The following DPP10 variants were observed in gnomAD, a reference collection of about 807,000 sequenced individuals.
The protein encoded by DPP10 is dipeptidyl peptidase like 10.
A neutral mutation model predicts 120.9 loss-of-function variants in DPP10; 33 were observed. That is an observed-to-expected ratio of 0.27 (90% CI 0.21 to 0.37). The LOEUF (loss-of-function observed/expected upper bound fraction) is 0.37. Ranked by LOEUF, DPP10 falls within the 10% of genes least tolerant of loss-of-function variation. DPP10 has a pLI of 1.00. For synonymous variants in DPP10, 337 were observed against 326.1 expected (o/e 1.03, Z -0.36); for missense variants, 816 against 942.8 (o/e 0.87, Z 1.76).
At chr2:115,361,414 G>A (rs1287978832) in intron 3 of DPP10, among the ~76,000 whole-genome samples, 4 of 152,008 alleles carry the variant, frequency 2.6e-5, no homozygotes, top group Non-Finnish European at 5.9e-5. Context: ...TTGCATTGTC[G>A]GCATGCTCTT....
At chr2:114,524,716 A>G (rs1431399686) in intron 1 of DPP10, among the ~76,000 whole-genome samples, 2 of 152,176 alleles carry the variant, frequency 1.3e-5, no homozygotes, top group Non-Finnish European at 2.9e-5. Context: ...GGAAGAGGTG[A>G]ATGACTGTCC....
intron 1 of DPP10, among the ~76,000 whole-genome samples, chr2:114,963,382 A>G (rs1419045481): frequency 2.6e-5 from 4 of 152,210 alleles, no homozygotes; most frequent in Non-Finnish European, 5.9e-5. Context: ...GTCATATGTC[A>G]AAGGAAAAAA....
intron 1 of DPP10, among the ~76,000 whole-genome samples, chr2:115,148,737 C>G (rs2051368041): frequency 6.6e-6 from 1 of 152,096 alleles, no homozygotes; most frequent in Non-Finnish European, 1.5e-5. Flanking sequence ...GCAAACCACA[C>G]AAAATTATTA....
At chr2:114,854,607 T>C (rs973075738) in intron 1 of DPP10, among the ~76,000 whole-genome samples, 4 of 151,914 alleles carry the variant, frequency 2.6e-5, no homozygotes, top group Non-Finnish European at 5.9e-5. Context: ...CCTTGGGAGG[T>C]AGAGAAACAG....
Position 114,765,162 on chromosome 2 carries a change from T to G in DPP10, c.60+322324T>G, listed in dbSNP as rs530997249. On this transcript the variant is annotated intron_variant, in intron 1 of 25. Coordinates refer to ENST00000410059, the MANE Select transcript of DPP10 (RefSeq NM_020868.6). ...CTTATTCTTTCAGAAGTAGCTACCT[T>G]TTGACCATTATCAATTTTTAAAAAT... Among the ~76,000 whole-genome samples, 3 of 152,298 alleles carry G rather than the reference T, an allele frequency of 2.0e-5. No homozygotes were observed. The East Asian group carries it at 5.8e-4, about 29-fold the overall frequency.
At chr2:115,484,398 C>A (rs1278058246) in intron 3 of DPP10, among the ~76,000 whole-genome samples, 1 of 152,114 alleles carries the variant, frequency 6.6e-6, no homozygotes, top group Non-Finnish European at 1.5e-5. Flanking sequence ...TTCTTAACAA[C>A]CAACACATAA....
intron 1 of DPP10, among the ~76,000 whole-genome samples, chr2:115,271,913 A>G (rs2059715027): frequency 6.6e-6 from 1 of 152,202 alleles, no homozygotes; most frequent in African/African-American, 2.4e-5. Context: ...GTGTTAAGAA[A>G]ATATTTCTTA....
intron 1 of DPP10, among the ~76,000 whole-genome samples, chr2:115,100,595 T>C (rs113499000): frequency 0.024 from 3,611 of 152,206 alleles, 123 homozygotes; most frequent in African/African-American, 0.073. Context: ...TGTATATATG[T>C]ATCAATTGGT....
chr2:115,637,108 T>TTA (rs1023716755), intron 5 of DPP10, among the ~76,000 whole-genome samples: 1 of 151,928 alleles, frequency 6.6e-6, no homozygotes, highest in African/African-American at 2.4e-5. Flanking sequence ...GTAAAATAAA[T>TTA]GTTAAAGGTA....
chr2:115,357,067 A>C (rs2064441639), intron 3 of DPP10, among the ~76,000 whole-genome samples: 2 of 152,064 alleles, frequency 1.3e-5, no homozygotes, highest in South Asian at 2.1e-4. Context: ...TCCCATCTTT[A>C]TGTTCATGTG....
chr2:115,169,045 C>T (rs2053114871), intron 1 of DPP10, among the ~76,000 whole-genome samples: 1 of 152,072 alleles, frequency 6.6e-6, no homozygotes, highest in African/African-American at 2.4e-5. Flanking sequence ...TATTCTATAA[C>T]ATTTTTGGAA....
At chr2:115,344,263 G>C (rs1353481290) in intron 3 of DPP10, among the ~76,000 whole-genome samples, 1 of 152,014 alleles carries the variant, frequency 6.6e-6, no homozygotes, top group Non-Finnish European at 1.5e-5. Flanking sequence ...TCCTAAGATA[G>C]GGCGTCAATA....
Position 114,877,539 on chromosome 2 carries a change from T to C in DPP10, c.61-431700T>C, listed in dbSNP as rs190141533. On this transcript the variant is annotated intron_variant, in intron 1 of 25. Transcript: ENST00000410059. The stretch of plus-strand genomic sequence containing the variant: ...AGCCTTGTAGAAATCCCACAGACCA[T>C]AGATCCGCTGGAATTCTGTGCTCAT... Among the ~76,000 whole-genome samples, 14 of 152,158 alleles carry C rather than the reference T, an allele frequency of 9.2e-5. No individual in the cohort carries two copies. The East Asian group carries it at 1.4e-3, about 15-fold the overall frequency.
intron 1 of DPP10, among the ~76,000 whole-genome samples, chr2:114,802,748 G>T (rs1001890515): frequency 6.6e-6 from 1 of 152,120 alleles, no homozygotes; most frequent in Non-Finnish European, 1.5e-5. Flanking sequence ...AAATCATTAT[G>T]CTCTCACCAA....
intron 5 of DPP10, among the ~76,000 whole-genome samples, chr2:115,568,389 A>G (rs762501142): frequency 6.6e-6 from 1 of 152,024 alleles, no homozygotes; most frequent in Non-Finnish European, 1.5e-5. Flanking sequence ...AGGCTGAGGC[A>G]GGAGAATCGC....
intron 25 of DPP10, among the ~76,000 whole-genome samples, chr2:115,841,335 T>G (rs998336248): frequency 1.3e-5 from 2 of 152,182 alleles, no homozygotes; most frequent in African/African-American, 4.8e-5. Flanking sequence ...CATTTATGTC[T>G]GTGCATTCAT....
At chr2:114,705,023 G>T (rs570966955) in intron 1 of DPP10, among the ~76,000 whole-genome samples, 1 of 152,248 alleles carries the variant, frequency 6.6e-6, no homozygotes, top group South Asian at 2.1e-4. Context: ...CCTTGCTCTT[G>T]GACTTCCAGC....
chr2:115,484,430 C>T (rs1397314087), intron 3 of DPP10, among the ~76,000 whole-genome samples: 1 of 152,076 alleles, frequency 6.6e-6, no homozygotes, highest in Non-Finnish European at 1.5e-5. Context: ...CAGTAATGGG[C>T]ATGTGATTTA....
intron 1 of DPP10, among the ~76,000 whole-genome samples, chr2:114,818,795 T>C (rs1168743498): frequency 1.3e-5 from 2 of 152,210 alleles, no homozygotes; most frequent in African/African-American, 4.8e-5. Flanking sequence ...TGCCACATTT[T>C]ATCCATGAAC....
Sources: allele counts gnomAD v4.1 joint callset (sites outside exome capture counted in the v4.1 genomes callset), GRCh38; gene constraint gnomAD v4.1.1; transcripts MANE v1.5; gene names NCBI Gene and HGNC (gene_info 2026-07-23, HGNC 2026-07-21).